ITGA9: variants seen among roughly 807,000 people sequenced by gnomAD.
ITGA9 encodes the protein integrin subunit alpha 9.
Under a neutral mutation model 127.8 loss-of-function variants are expected in ITGA9, and 56 were observed. The observed-to-expected ratio is 0.44, with a 90% confidence interval of 0.35 to 0.55. The LOEUF (loss-of-function observed/expected upper bound fraction) is 0.55, where lower values mean the gene tolerates loss of function less well. ITGA9 is among the 20% of genes least tolerant of loss of function. The pLI is 0.00. For synonymous variants in ITGA9, 508 were observed against 514.5 expected, an observed-to-expected ratio of 0.99 and a Z score of 0.17; for missense variants, 1,196 against 1,347.1, an observed-to-expected ratio of 0.89 and a Z score of 1.76.
chr3:37,505,780 A>C (rs1226322033), intron 6 of ITGA9, among the ~76,000 whole-genome samples: 1 of 152,240 alleles, frequency 6.6e-6, no homozygotes, highest in African/African-American at 2.4e-5. Context: ...GAAGACACTC[A>C]GAAAGCCCTC....
At position 37,688,952 on chromosome 3, in the gene ITGA9, A is replaced by T. The variant is rs117677003; in HGVS notation, c.2067+4937A>T. On this transcript the variant is annotated intron_variant, in intron 18 of 27. Transcript: ENST00000264741. ...TGGCTGGCTGGGTGGATGAGTGGGT[A>T]TGTGGGTGGATGGGCAGGTGAGTGG... is the stretch of plus-strand genomic sequence containing the variant. Among the ~76,000 whole-genome samples the T allele has an allele frequency of 1.2e-3, 167 of 141,144 alleles. 3 individuals are homozygous for T. In the East Asian group the frequency reaches 0.025, roughly 21 times the overall value. 92.6% of individuals were successfully genotyped at this position (141,144 alleles called of 152,430 possible).
chr3:37,557,420 C>T (rs972677646), intron 15 of ITGA9, among the ~76,000 whole-genome samples: 5 of 152,180 alleles, frequency 3.3e-5, no homozygotes, highest in Admixed American at 2.6e-4. Flanking sequence ...GCTAGGGAAG[C>T]GCCCAGGCTG....
chr3:37,518,143 T>C (rs1391371678), intron 10 of ITGA9, among the ~76,000 whole-genome samples: 1 of 133,198 alleles, frequency 7.5e-6, no homozygotes, highest in East Asian at 2.8e-4. Flanking sequence ...TGGAGGCATA[T>C]GTACCTAATG....
intron 2 of ITGA9, 115 bp downstream of exon 2, chr3:37,471,249 T>C (rs2125553208): frequency 8.7e-7 from 1 of 1,144,014 alleles, no homozygotes; most frequent in East Asian, 2.4e-5. Context: ...CCTCCTTCCC[T>C]CCCTCCTTCT....
At chr3:37,585,881 A>G (rs1351810623) in intron 15 of ITGA9, among the ~76,000 whole-genome samples, 2 of 152,218 alleles carry the variant, frequency 1.3e-5, no homozygotes, top group African/African-American at 4.8e-5. Context: ...ATTTTGTTAA[A>G]AATTGAGATT....
At chr3:37,786,143 C>G (rs918100264) in intron 26 of ITGA9, among the ~76,000 whole-genome samples, 2 of 152,216 alleles carry the variant, frequency 1.3e-5, no homozygotes, top group Admixed American at 1.3e-4. Flanking sequence ...TGCTACCTGT[C>G]TGCTTCCCTT....
At chr3:37,577,280 C>G (rs1699663243) in intron 15 of ITGA9, among the ~76,000 whole-genome samples, 1 of 152,234 alleles carries the variant, frequency 6.6e-6, no homozygotes, top group African/African-American at 2.4e-5. Flanking sequence ...GTGGGAATGC[C>G]TTGAGCCTCA....
rs1229249637 is a variant in ITGA9, at chr3:37,819,481, G to GTT, written c.*494_*495dup. On this transcript the variant is annotated 3_prime_UTR_variant, in exon 28 of 28. Coordinates refer to ENST00000264741, the MANE Select transcript of ITGA9 (RefSeq NM_002207.3). ...ATCTTACCGTACTTTGGAACTTGCT[G>GTT]TTTAAAAAGACAGATGAAATAAGTT... 6.3e-6 allele frequency: 1 copy of GTT among 159,042 alleles called. No homozygotes were observed. Among genetic ancestry groups the GTT allele is most frequent in the Non-Finnish European group, 1.4e-5 (1 of 71,734 alleles). 9.9% of individuals were successfully genotyped at this position (159,042 alleles called of 1,614,324 possible).
At chr3:37,665,734 C>T (rs1362373118) in intron 17 of ITGA9, among the ~76,000 whole-genome samples, 6 of 152,090 alleles carry the variant, frequency 3.9e-5, no homozygotes, top group African/African-American at 9.7e-5. Context: ...GGATTACAGG[C>T]GTGAGCCACC....
intron 15 of ITGA9, among the ~76,000 whole-genome samples, chr3:37,612,517 A>C (rs1469308941): frequency 6.6e-6 from 1 of 152,172 alleles, no homozygotes; most frequent in African/African-American, 2.4e-5. Context: ...TCTTTCTAAT[A>C]CTTTTGTGGT....
chr3:37,614,164 G>A (rs1700051356), intron 15 of ITGA9, among the ~76,000 whole-genome samples: 1 of 152,046 alleles, frequency 6.6e-6, no homozygotes, highest in Admixed American at 6.5e-5. Flanking sequence ...AAGGGATCCA[G>A]TTTCAGCTTT....
chr3:37,624,200 CTTTTTTTTT>C (rs58307041), intron 15 of ITGA9, among the ~76,000 whole-genome samples: 3 of 85,766 alleles, frequency 3.5e-5, no homozygotes, highest in African/African-American at 1.0e-4. Context: ...AAAAAAAACC[CTTTTTTTTT>C]TTTTTTTTTT....
At chr3:37,524,167 C>T (rs1003117533) in intron 12 of ITGA9, among the ~76,000 whole-genome samples, 1 of 152,158 alleles carries the variant, frequency 6.6e-6, no homozygotes, top group Non-Finnish European at 1.5e-5. Context: ...GATAAAGATA[C>T]ATGATTTCAA....
chr3:37,653,708 TCA>T lies in ITGA9; in HGVS notation c.1840-3_1840-2del. 7 of 1,611,270 alleles carry T rather than the reference TCA, an allele frequency of 4.3e-6. No homozygotes were observed. Among genetic ancestry groups the T allele is most frequent in the Non-Finnish European group, 5.9e-6 (7 of 1,177,422 alleles). On this transcript the variant is annotated splice_polypyrimidine_tract_variant and splice_region_variant and intron_variant, in intron 16 of 27. Transcript: ENST00000264741. ...CCCTAACCTTCCTCTCCTGTCTTTC[TCA>T]CAGACTGTTTTTGAAAGGAATTGCC...
chr3:37,747,598 G>A (rs1374576396), intron 22 of ITGA9, among the ~76,000 whole-genome samples: 1 of 142,328 alleles, frequency 7.0e-6, no homozygotes, highest in Non-Finnish European at 1.5e-5. Flanking sequence ...CTGTCTGCAT[G>A]AGTTCAATTG....
intron 14 of ITGA9, among the ~76,000 whole-genome samples, chr3:37,538,260 C>CA (rs1461527853): frequency 6.6e-6 from 1 of 152,212 alleles, no homozygotes; most frequent in African/African-American, 2.4e-5. Context: ...AGGAATTAAT[C>CA]AAAACTTGCT....
chr3:37,648,249 C>T (rs1700398313), intron 16 of ITGA9, among the ~76,000 whole-genome samples: 1 of 152,076 alleles, frequency 6.6e-6, no homozygotes, highest in South Asian at 2.1e-4. Context: ...TTCATTGTGA[C>T]TTCGATTTGA....
At chr3:37,711,642 G>A (rs1031803939) in intron 18 of ITGA9, among the ~76,000 whole-genome samples, 2 of 152,138 alleles carry the variant, frequency 1.3e-5, no homozygotes, top group Non-Finnish European at 2.9e-5. Flanking sequence ...GGCCTCAAGT[G>A]ACCCTCCCAC....
chr3:37,807,431 AG>A (rs1697312542), intron 27 of ITGA9: 1 of 152,274 alleles, frequency 6.6e-6, no homozygotes, highest in African/African-American at 2.4e-5. Flanking sequence ...GAAAATAAGC[AG>A]GGTTTGTGGA....
Sources: gnomAD v4.1 joint callset for allele counts (sites outside exome capture counted in the v4.1 genomes callset) on GRCh38, gnomAD v4.1.1 for gene constraint, MANE v1.5 for transcripts, NCBI Gene and HGNC (gene_info 2026-07-23, HGNC 2026-07-21) for gene names.